Variants in TMEM40 observed in about 807,000 individuals in gnomAD.
TMEM40 encodes transmembrane protein 40.
In TMEM40, 34 loss-of-function variants were observed where a neutral mutation model predicts 40.8. The ratio of observed to expected loss-of-function variants is 0.83; its 90% CI spans 0.63 to 1.11. The LOEUF is 1.11. Among genes scored for constraint, TMEM40 ranks in the 50% least tolerant of loss-of-function variants. The pLI, the probability that TMEM40 is intolerant of heterozygous loss-of-function variation, is 0.00. For synonymous variants in TMEM40, 106 were observed against 107.0 expected (o/e 0.99, Z 0.06); for missense variants, 296 against 280.2 (o/e 1.06, Z -0.40).
At chr3:12,752,742 C>A (rs2061488315) in intron 1 of TMEM40, among the ~76,000 whole-genome samples, 1 of 151,782 alleles carries the variant, frequency 6.6e-6, no homozygotes, top group Non-Finnish European at 1.5e-5. Context: ...AGGCAACCTG[C>A]CTCTGAATTG....
intron 4 of TMEM40, among the ~76,000 whole-genome samples, chr3:12,742,976 C>G (rs1165955368): frequency 5.3e-5 from 8 of 152,140 alleles, no homozygotes; most frequent in Non-Finnish European, 1.0e-4. Flanking sequence ...GTTGCCAAAG[C>G]CTGCATTCCT....
intron 1 of TMEM40, among the ~76,000 whole-genome samples, chr3:12,766,054 T>C (rs528956596): frequency 6.6e-5 from 10 of 151,352 alleles, no homozygotes; most frequent in African/African-American, 2.2e-4. Flanking sequence ...GAAAGAGGGT[T>C]TTGCCATGTT....
chr3:12,760,303 A>G (rs1301935289), upstream of TMEM40, among the ~76,000 whole-genome samples: 4 of 151,596 alleles, frequency 2.6e-5, no homozygotes, highest in Admixed American at 6.6e-5. Context: ...CAGCTGCCAC[A>G]CTCCCACTGC....
At chr3:12,755,142 TTCTCTTTCTTTCTTTC>T (rs1251812645) in intron 1 of TMEM40, among the ~76,000 whole-genome samples, 72 of 150,376 alleles carry the variant, frequency 4.8e-4, no homozygotes, top group African/African-American at 1.7e-3. Context: ...TTTTCTTTCC[TTCTCTTTCTTTCTTTC>T]TCTTTCTTTC....
intron 1 of TMEM40, among the ~76,000 whole-genome samples, chr3:12,768,825 CG>C (rs2061606763): frequency 6.6e-6 from 1 of 151,114 alleles, no homozygotes; most frequent in Non-Finnish European, 1.5e-5. Context: ...TCGATGGGAC[CG>C]GGCGCCGTGG....
At chr3:12,736,453 A>C (rs953358013) in intron 10 of TMEM40, 125 bp downstream of exon 10, 21 of 1,286,538 alleles carry the variant, frequency 1.6e-5, no homozygotes, top group Non-Finnish European at 2.1e-5. Context: ...CCTGGCCAGA[A>C]AATTTTTTTA....
intron 4 of TMEM40, among the ~76,000 whole-genome samples, chr3:12,743,271 A>G (rs781241459): frequency 2.6e-5 from 4 of 152,146 alleles, no homozygotes; most frequent in Non-Finnish European, 5.9e-5. Flanking sequence ...TGTTTGAGAC[A>G]GGCCTGGGCA....
intron 8 of TMEM40, 107 bp from the exon 9 acceptor site, chr3:12,736,942 G>T: frequency 7.2e-7 from 1 of 1,381,564 alleles, no homozygotes; most frequent in Non-Finnish European, 1.0e-6. Context: ...GCAGTTGTGC[G>T]ATCCCAGCTC....
chr3:12,747,209 C>G (rs1481356703), intron 3 of TMEM40, among the ~76,000 whole-genome samples: 3 of 151,028 alleles, frequency 2.0e-5, no homozygotes, highest in Non-Finnish European at 4.4e-5. Context: ...TTCCTTCCAG[C>G]CCAGAGACCT....
upstream of TMEM40, among the ~76,000 whole-genome samples, chr3:12,763,695 G>A (rs1277208698): frequency 6.6e-6 from 1 of 152,120 alleles, no homozygotes; most frequent in Non-Finnish European, 1.5e-5. Context: ...TATCCATGGT[G>A]AGAATATTTA....
chr3:12,748,687 G>A lies in TMEM40; in HGVS notation c.179C>T (p.Ser60Phe). The part of the protein sequence containing the change: ...SSSSSSSSSS[S>F]SSSSSSSSSS... ...GGAGGAGGATGAAGAAGATGAGGAG[G>A]ATGAGGAGGAAGAGGAGGAGGAGGA... is the stretch of plus-strand genomic sequence containing the variant. Residue 60 changes from serine to phenylalanine, a missense_variant, in exon 3 of 12, where the codon TCC becomes TTC. Ser to Phe is a radical substitution (Grantham distance 155). Coordinates refer to ENST00000314124, the MANE Select transcript of TMEM40 (RefSeq NM_018306.4). 2.5e-6 allele frequency: 4 copies of A among 1,613,094 alleles called. No individual in the cohort carries two copies. The highest frequency in any genetic ancestry group is 3.4e-6 in the Non-Finnish European group (4 of 1,179,312).
At position 12,757,746 on chromosome 3, in the gene TMEM40, G is replaced by A. The variant is rs184916887; in HGVS notation, c.-9+1445C>T. ...AGCAATTCCAATCCCTAGTATATTC[G>A]CAAGAGAATTGACAACCTATATCCG... is the stretch of plus-strand genomic sequence containing the variant. On this transcript the variant is annotated intron_variant, in intron 1 of 11. Coordinates refer to ENST00000314124, the MANE Select transcript of TMEM40 (RefSeq NM_018306.4). Among the ~76,000 whole-genome samples the A allele has an allele frequency of 8.1e-4, 124 of 152,278 alleles. 1 individual carries two copies. The South Asian group carries it at 0.022, about 26-fold the overall frequency.
intron 7 of TMEM40, 33 bp from the exon 8 acceptor site, chr3:12,737,787 T>C: frequency 6.2e-7 from 1 of 1,602,350 alleles, no homozygotes; most frequent in Non-Finnish European, 8.6e-7. Context: ...ATATTTAACT[T>C]TGATGCAGGA....
chr3:12,743,758 T>A, intron 4 of TMEM40, 142 bp downstream of exon 4: 1 of 724,504 alleles, frequency 1.4e-6, no homozygotes, highest in Non-Finnish European at 2.2e-6. Context: ...GTAGCATCCT[T>A]TATCTATTCT....
chr3:12,745,412 T>C (rs1319587078), intron 3 of TMEM40, among the ~76,000 whole-genome samples: 2 of 152,046 alleles, frequency 1.3e-5, no homozygotes, highest in Admixed American at 1.3e-4. Flanking sequence ...CATCAATGTG[T>C]GAATGAACAT....
At chr3:12,736,688 C>T (rs1219567363) in intron 9 of TMEM40, 36 bp from the exon 10 acceptor site, 1 of 1,613,368 alleles carries the variant, frequency 6.2e-7, no homozygotes, top group Non-Finnish European at 8.5e-7. Flanking sequence ...GGTCAGCCTC[C>T]AGGTCTTGAC....
rs750136247 is a variant in TMEM40, at chr3:12,742,495, C to G, written c.314G>C (p.Gly105Ala). 3.3e-5 allele frequency: 54 copies of G among 1,613,798 alleles called. 1 individual carries two copies. The Admixed American group carries it at 8.0e-4, about 24-fold the overall frequency. Residue 105 changes from glycine to alanine, a missense_variant, in exon 5 of 12, where the codon GGG (glycine) becomes GCG (alanine). Physicochemically the swap from Gly to Ala is moderately conservative, Grantham distance 60 (BLOSUM62 0). Transcript: ENST00000314124. Reference protein sequence around the residue: ...HGNGSPGPGHGEPDVLKDELQ... With the variant: ...HGNGSPGPGHAEPDVLKDELQ... ...CTCATCCTTCAAAACGTCAGGCTCC[C>G]CATGCCCAGGACCTGGATGGAGACA...
chr3:12,748,882 T>C (rs2061450744), intron 2 of TMEM40, 90 bp from the exon 3 acceptor site: 3 of 1,194,296 alleles, frequency 2.5e-6, no homozygotes, highest in Non-Finnish European at 3.6e-6. Context: ...CTACTTGGAT[T>C]TGGAGAGCCA....
At chr3:12,749,278 C>T (rs1310519823) in intron 2 of TMEM40, among the ~76,000 whole-genome samples, 3 of 152,302 alleles carry the variant, frequency 2.0e-5, no homozygotes, top group African/African-American at 4.8e-5. Context: ...CCCGCCTCGG[C>T]CTCCCAAAGT....
Sources: gnomAD v4.1 joint callset for allele counts (sites outside exome capture counted in the v4.1 genomes callset) on GRCh38, gnomAD v4.1.1 for gene constraint, MANE v1.5 for transcripts, NCBI Gene and HGNC (gene_info 2026-07-23, HGNC 2026-07-21) for gene names.